FAM184A: variants seen among roughly 807,000 people sequenced by gnomAD.
The protein encoded by FAM184A is protein FAM184A.
FAM184A carries 99 observed loss-of-function variants against 143.8 expected under a neutral mutation model. That is an observed-to-expected ratio of 0.69 (90% CI 0.58 to 0.81). FAM184A has a LOEUF of 0.81. Among genes scored for constraint, FAM184A ranks in the 40% least tolerant of loss-of-function variants. The pLI is 0.00. For missense variants in FAM184A, 1,217 were observed against 1,310.5 expected (o/e 0.93, Z 1.10); for synonymous variants, 427 against 446.4 (o/e 0.96, Z 0.55).
At chr6:119,082,751 C>A (rs1225592457), upstream of FAM184A, among the ~76,000 whole-genome samples, 4 of 152,240 alleles carry the variant, frequency 2.6e-5, no homozygotes, top group Admixed American at 2.6e-4. Context: ...TGGCTGCTTT[C>A]ATGGGCCAGT....
At chr6:118,976,900 T>C (rs1338829355) in intron 11 of FAM184A, among the ~76,000 whole-genome samples, 1 of 152,026 alleles carries the variant, frequency 6.6e-6, no homozygotes, top group Non-Finnish European at 1.5e-5. Flanking sequence ...AATGACAACA[T>C]CAAATGTTGG....
chr6:119,038,207 TAAAC>T lies in FAM184A; in HGVS notation c.160-13398_160-13395del, dbSNP rs1786184116. Among the ~76,000 whole-genome samples the T allele has an allele frequency of 3.3e-5, 5 of 151,836 alleles. No individual in the cohort carries two copies. In the South Asian group the frequency reaches 6.3e-4, roughly 19 times the overall value. On this transcript the variant is annotated intron_variant, in intron 1 of 17. Transcript: ENST00000338891. ...ATCTCTCCTACACTAGTAAAAAAAA[TAAAC>T]AAACAAACAAATAGAGAAAATGAGC...
At chr6:119,106,208 C>T (rs939294121) in intron 1 of FAM184A, among the ~76,000 whole-genome samples, 9 of 150,260 alleles carry the variant, frequency 6.0e-5, no homozygotes, top group African/African-American at 2.0e-4. Context: ...CTGGCTAACA[C>T]GGTGAAATCC....
chr6:119,114,942 C>T (rs1250330555), intron 1 of FAM184A, among the ~76,000 whole-genome samples: 2 of 152,200 alleles, frequency 1.3e-5, no homozygotes, highest in African/African-American at 4.8e-5. Context: ...GCAGCCTCAA[C>T]CTCTTGGACT....
chr6:118,979,843 G>C (rs1783964999), intron 10 of FAM184A, among the ~76,000 whole-genome samples: 2 of 150,724 alleles, frequency 1.3e-5, no homozygotes, highest in South Asian at 4.2e-4. Flanking sequence ...CAGAATTCAA[G>C]ACCAGCCTGG....
intron 1 of FAM184A, among the ~76,000 whole-genome samples, chr6:119,039,825 G>T (rs943192931): frequency 6.6e-6 from 1 of 152,176 alleles, no homozygotes; most frequent in African/African-American, 2.4e-5. Context: ...ACGTTAATTG[G>T]ATGCAGGCCC....
intron 14 of FAM184A, among the ~76,000 whole-genome samples, chr6:118,968,049 C>T (rs1020658220): frequency 9.9e-5 from 15 of 152,138 alleles, no homozygotes; most frequent in Admixed American, 4.6e-4. Context: ...TCTATCCAGT[C>T]CCCTGGCTAA....
At chr6:119,065,417 G>A (rs554399063) in intron 1 of FAM184A, among the ~76,000 whole-genome samples, 112 of 152,350 alleles carry the variant, frequency 7.4e-4, no homozygotes, top group African/African-American at 2.6e-3. Flanking sequence ...ACTCAGTTAA[G>A]TGACTCCTCG....
intron 9 of FAM184A, among the ~76,000 whole-genome samples, chr6:118,998,085 C>A (rs1236370477): frequency 6.6e-6 from 1 of 152,108 alleles, no homozygotes; most frequent in East Asian, 1.9e-4. Context: ...AGAAAACTTA[C>A]CATCTCATCT....
At chr6:119,123,233 A>G (rs375475392) in intron 1 of FAM184A, among the ~76,000 whole-genome samples, 21 of 152,152 alleles carry the variant, frequency 1.4e-4, no homozygotes, top group African/African-American at 4.8e-4. Context: ...TACTAAAAAT[A>G]TAAAAATTAG....
At chr6:118,963,633 G>A (rs1783402242) in intron 16 of FAM184A, 1 of 152,034 alleles carries the variant, frequency 6.6e-6, no homozygotes, top group Non-Finnish European at 1.5e-5. Context: ...TCTGGGTAAA[G>A]TCCTAATAAA....
intron 1 of FAM184A, among the ~76,000 whole-genome samples, chr6:119,058,745 C>T (rs1407270717): frequency 6.6e-6 from 1 of 152,042 alleles, no homozygotes; most frequent in Non-Finnish European, 1.5e-5. Context: ...GCCCAGCTTT[C>T]GAGTTATCCT....
At chr6:119,004,611 T>C (rs528762481) in intron 7 of FAM184A, among the ~76,000 whole-genome samples, 1 of 152,274 alleles carries the variant, frequency 6.6e-6, no homozygotes, top group African/African-American at 2.4e-5. Flanking sequence ...AAGTACATCA[T>C]TAGACATTAT....
At chr6:119,140,453 C>A (rs1391482758) in intron 1 of FAM184A, among the ~76,000 whole-genome samples, 1 of 152,176 alleles carries the variant, frequency 6.6e-6, no homozygotes, top group African/African-American at 2.4e-5. Context: ...CTTTGAAGGA[C>A]AAATGCACAG....
At chr6:119,114,386 A>G (rs1789007195) in intron 1 of FAM184A, among the ~76,000 whole-genome samples, 1 of 152,178 alleles carries the variant, frequency 6.6e-6, no homozygotes, top group African/African-American at 2.4e-5. Flanking sequence ...GGATGACCCC[A>G]CTAACACAGC....
intron 9 of FAM184A, among the ~76,000 whole-genome samples, chr6:118,981,794 T>A (rs756016577): frequency 2.0e-5 from 3 of 152,148 alleles, no homozygotes; most frequent in Non-Finnish European, 4.4e-5. Context: ...ATGGAAACAG[T>A]CAAGCACTGG....
rs138620448 is a variant in FAM184A at position 118,991,445 on chromosome 6, G to T, written c.2089-11095C>A. Among the ~76,000 whole-genome samples the T allele has an allele frequency of 6.3e-3, 963 of 152,202 alleles. 8 individuals carry two copies. Among genetic ancestry groups the T allele is most frequent in the African/African-American group, 0.022 (896 of 41,466 alleles). ...CCTAAAGTGCTGGGATTACAGGTGT[G>T]AGCCACCGTTCCCGGCCAGAAAAGA... On this transcript the variant is annotated intron_variant, in intron 9 of 17. Coordinates refer to ENST00000338891, the MANE Select transcript of FAM184A (RefSeq NM_024581.6).
chr6:119,003,447 A>C (rs1270563032), intron 8 of FAM184A, 54 bp downstream of exon 8: 6 of 1,557,358 alleles, frequency 3.9e-6, no homozygotes, highest in Non-Finnish European at 5.2e-6. Context: ...GTCATACAAG[A>C]GAAAAACTTT....
intron 9 of FAM184A, among the ~76,000 whole-genome samples, chr6:118,993,092 A>T (rs981573209): frequency 6.6e-6 from 1 of 152,226 alleles, no homozygotes; most frequent in Non-Finnish European, 1.5e-5. Flanking sequence ...GAAGCATTCT[A>T]TATGAGTAAG....
Sources: allele counts gnomAD v4.1 joint callset (sites outside exome capture counted in the v4.1 genomes callset), GRCh38; gene constraint gnomAD v4.1.1; transcripts MANE v1.5; gene names NCBI Gene and HGNC (gene_info 2026-07-23, HGNC 2026-07-21).